The following TAFA1 variants were observed in gnomAD, a reference collection of about 807,000 sequenced individuals.
TAFA1 encodes the protein TAFA chemokine like family member 1.
A neutral mutation model predicts 18.5 loss-of-function variants in TAFA1; 4 were observed. That is an observed-to-expected ratio of 0.22 (90% CI 0.11 to 0.49). The LOEUF (loss-of-function observed/expected upper bound fraction) is 0.49, where lower values mean the gene tolerates loss of function less well. Ranked by LOEUF, TAFA1 falls within the 20% of genes least tolerant of loss-of-function variation. The probability of loss-of-function intolerance (pLI) is 0.98; values close to 1 mark genes in which losing one functional copy is unlikely to be tolerated. For missense variants in TAFA1, 147 were observed against 169.0 expected, an observed-to-expected ratio of 0.87 and a Z score of 0.72; for synonymous variants, 56 against 55.2, an observed-to-expected ratio of 1.01 and a Z score of -0.06.
At chr3:68,120,221 CTTT>C (rs2065378922) in intron 2 of TAFA1, among the ~76,000 whole-genome samples, 1 of 125,968 alleles carries the variant, frequency 7.9e-6, no homozygotes, top group South Asian at 2.8e-4. Context: ...TTCTTTCTTT[CTTT>C]CTTTCTTTCT....
intron 2 of TAFA1, among the ~76,000 whole-genome samples, chr3:68,414,289 A>C (rs1296186165): frequency 6.6e-6 from 1 of 152,178 alleles, no homozygotes; most frequent in East Asian, 1.9e-4. Context: ...CCTAGGCAAC[A>C]GGAGCGAAAC....
chr3:68,281,368 T>G (rs1232007536), intron 2 of TAFA1, among the ~76,000 whole-genome samples: 1 of 152,170 alleles, frequency 6.6e-6, no homozygotes, highest in African/African-American at 2.4e-5. Context: ...TTTCAGTGTT[T>G]TAAAAATCAG....
intron 2 of TAFA1, among the ~76,000 whole-genome samples, chr3:68,348,543 T>C (rs573524351): frequency 1.6e-4 from 25 of 152,278 alleles, no homozygotes; most frequent in African/African-American, 5.8e-4. Flanking sequence ...CTAATTTTGT[T>C]CCTGTAGATA....
At chr3:68,224,811 G>T (rs1296099356) in intron 2 of TAFA1, among the ~76,000 whole-genome samples, 1 of 151,612 alleles carries the variant, frequency 6.6e-6, no homozygotes, top group Non-Finnish European at 1.5e-5. Context: ...ACTTTTAGTT[G>T]GGGAGGGGGT....
At chr3:68,249,647 C>T (rs75110978) in intron 2 of TAFA1, among the ~76,000 whole-genome samples, 11,758 of 152,150 alleles carry the variant, frequency 0.077, 684 homozygotes, top group East Asian at 0.33. Context: ...AGGCATAGGA[C>T]AGCAGACAGT....
chr3:68,537,761 C>T (rs1463673779), intron 3 of TAFA1, among the ~76,000 whole-genome samples: 2 of 152,122 alleles, frequency 1.3e-5, no homozygotes, highest in African/African-American at 4.8e-5. Context: ...TTTTTATTTC[C>T]TTCATAAGTC....
At chr3:68,167,461 C>T (rs2065996478) in intron 2 of TAFA1, among the ~76,000 whole-genome samples, 1 of 151,724 alleles carries the variant, frequency 6.6e-6, no homozygotes, top group Non-Finnish European at 1.5e-5. Flanking sequence ...CCTGTAGTCC[C>T]AGCTACTCGG....
chr3:68,238,750 A>T (rs567637347), intron 2 of TAFA1, among the ~76,000 whole-genome samples: 1 of 152,286 alleles, frequency 6.6e-6, no homozygotes, highest in African/African-American at 2.4e-5. Context: ...ATATTTAAAC[A>T]CTTTTTTGCC....
intron 2 of TAFA1, among the ~76,000 whole-genome samples, chr3:68,062,332 G>A (rs2064615262): frequency 1.3e-5 from 2 of 152,130 alleles, no homozygotes; most frequent in South Asian, 2.1e-4. Flanking sequence ...GCCATATGGG[G>A]CTTCAGGCCC....
At chr3:68,484,797 A>G (rs973075490) in intron 3 of TAFA1, among the ~76,000 whole-genome samples, 6 of 152,302 alleles carry the variant, frequency 3.9e-5, no homozygotes, top group South Asian at 2.1e-4. Flanking sequence ...CTCCCCTTCT[A>G]CTTACTCCTC....
chr3:68,044,693 T>G (rs1440032457), intron 2 of TAFA1, among the ~76,000 whole-genome samples: 2 of 152,234 alleles, frequency 1.3e-5, no homozygotes, highest in African/African-American at 4.8e-5. Context: ...TACTAAAGAA[T>G]GAACATGGAA....
chr3:68,206,711 C>T (rs1340127457), intron 2 of TAFA1, among the ~76,000 whole-genome samples: 1 of 151,890 alleles, frequency 6.6e-6, no homozygotes, highest in Non-Finnish European at 1.5e-5. Context: ...GAGAGCGACC[C>T]CTAGCTTCTG....
At chr3:68,099,539 C>T (rs2065123616) in intron 2 of TAFA1, among the ~76,000 whole-genome samples, 1 of 152,046 alleles carries the variant, frequency 6.6e-6, no homozygotes, top group Non-Finnish European at 1.5e-5. Flanking sequence ...CACTTATACA[C>T]TCTTGGTGGG....
chr3:68,206,276 T>A (rs2066525234), intron 2 of TAFA1, among the ~76,000 whole-genome samples: 1 of 151,770 alleles, frequency 6.6e-6, no homozygotes, highest in Non-Finnish European at 1.5e-5. Flanking sequence ...TGATACTTTG[T>A]CAGAAAAAAA....
intron 2 of TAFA1, among the ~76,000 whole-genome samples, chr3:68,270,125 G>A (rs982290856): frequency 6.6e-6 from 1 of 152,018 alleles, no homozygotes; most frequent in African/African-American, 2.4e-5. Flanking sequence ...AGATTTTGAC[G>A]GAAGTAGATT....
intron 2 of TAFA1, among the ~76,000 whole-genome samples, chr3:68,391,484 C>T (rs2070245241): frequency 6.6e-6 from 1 of 152,150 alleles, no homozygotes; most frequent in African/African-American, 2.4e-5. Context: ...GACAGGCCAA[C>T]ATTCAAATTC....
At chr3:68,166,920 A>G (rs1481876575) in intron 2 of TAFA1, among the ~76,000 whole-genome samples, 2 of 152,194 alleles carry the variant, frequency 1.3e-5, no homozygotes, top group Non-Finnish European at 2.9e-5. Flanking sequence ...CTTCTGAATG[A>G]TAAATAAGAT....
intron 2 of TAFA1, among the ~76,000 whole-genome samples, chr3:68,340,557 C>A (rs2069062749): frequency 6.6e-6 from 1 of 152,176 alleles, no homozygotes; most frequent in Admixed American, 6.5e-5. Context: ...TAGCAACTGA[C>A]CTCTCCCCCT....
chr3:68,288,693 T>C lies in TAFA1; in HGVS notation c.119-128587T>C, dbSNP rs141286741. ...CCTTGTTCTTTGATTCTTTGTTTAT[T>C]CGTCTTATGCAAAACATAACAGTGA... On this transcript the variant is annotated intron_variant, in intron 2 of 4. Transcript: ENST00000478136. Among the ~76,000 whole-genome samples, 933 of 152,356 alleles carry C rather than the reference T, an allele frequency of 6.1e-3. 16 individuals are homozygous for C. The highest frequency in any genetic ancestry group is 0.02 in the African/African-American group (844 of 41,576).
Sources: allele counts gnomAD v4.1 joint callset (sites outside exome capture counted in the v4.1 genomes callset), GRCh38; gene constraint gnomAD v4.1.1; transcripts MANE v1.5; gene names NCBI Gene and HGNC (gene_info 2026-07-23, HGNC 2026-07-21).